The following ANKRD11 variants were observed in gnomAD, a reference collection of about 807,000 sequenced individuals.
ANKRD11 encodes ankyrin repeat domain-containing protein 11.
A neutral mutation model predicts 195.7 loss-of-function variants in ANKRD11; 17 were observed. The observed-to-expected ratio is 0.09, with a 90% CI of 0.06 to 0.13. ANKRD11 has a LOEUF of 0.13. Among genes scored for constraint, ANKRD11 ranks in the 10% least tolerant of loss-of-function variants. ANKRD11 has a pLI of 1.00. For synonymous variants in ANKRD11, 1,953 were observed against 1,528.1 expected (o/e 1.28, Z -6.49); for missense variants, 3,735 against 3,566.1 (o/e 1.05, Z -1.21).
intron 1 of ANKRD11, among the ~76,000 whole-genome samples, chr16:89,427,568 G>A (rs539156795): frequency 4.6e-5 from 7 of 152,224 alleles, no homozygotes; most frequent in South Asian, 2.1e-4. Flanking sequence ...AGGCCGAGGC[G>A]GGAGGATCAC....
intron 2 of ANKRD11, among the ~76,000 whole-genome samples, chr16:89,398,657 G>GT (rs1030693117): frequency 4.6e-5 from 7 of 152,154 alleles, no homozygotes; most frequent in Admixed American, 2.0e-4. Context: ...CAGGAGGAAG[G>GT]TTTGAGCCCG....
chr16:89,284,421 T>A lies in ANKRD11; in HGVS notation c.2121A>T (p.Glu707Asp), dbSNP rs2034501330. The A allele has an allele frequency of 6.2e-7, 1 of 1,613,350 alleles. No homozygotes were observed. Among genetic ancestry groups the A allele is most frequent in the Non-Finnish European group, 8.5e-7 (1 of 1,179,950 alleles). The change falls in exon 9 of 13, where the codon GAA becomes GAT. Residue 707 changes from glutamate (E) to aspartate (D), a missense_variant. Physicochemically the swap from Glu to Asp is conservative, Grantham distance 45. Transcript: ENST00000301030. ...TTTCATCTTTAAAGAGCCATTCTTT[T>A]TCTTCTAATTTCATTTTGCTAAGTT... The part of the protein sequence containing the change: ...EEKLSKMKLE[E>D]KEWLFKDEKS...
At chr16:89,435,964 G>C (rs913606406) in intron 1 of ANKRD11, among the ~76,000 whole-genome samples, 1 of 152,158 alleles carries the variant, frequency 6.6e-6, no homozygotes, top group African/African-American at 2.4e-5. Flanking sequence ...GTTGTGTCCT[G>C]GAGCTGTGCT....
intron 2 of ANKRD11, among the ~76,000 whole-genome samples, chr16:89,351,746 GGAACAAGGA>G (rs1170338346): frequency 6.6e-6 from 1 of 152,170 alleles, no homozygotes; most frequent in African/African-American, 2.4e-5. Context: ...GGCTGCAGGG[GGAACAAGGA>G]GTGACGATTA....
intron 2 of ANKRD11, among the ~76,000 whole-genome samples, chr16:89,348,030 C>T (rs1032341138): frequency 2.6e-5 from 4 of 151,940 alleles, no homozygotes; most frequent in Non-Finnish European, 4.4e-5. Flanking sequence ...ACCTCCTGGG[C>T]TCAATGGATC....
chr16:89,272,872 A>G (rs889787492), intron 11 of ANKRD11: 18 of 152,324 alleles, frequency 1.2e-4, no homozygotes, highest in Middle Eastern at 6.8e-3. Context: ...AACTGGGGTC[A>G]TGATGTTAAG....
chr16:89,333,443 T>C (rs1005212544), intron 2 of ANKRD11, among the ~76,000 whole-genome samples: 6 of 152,184 alleles, frequency 3.9e-5, no homozygotes, highest in Admixed American at 2.0e-4. Flanking sequence ...GAACGTATCC[T>C]GATGTGGACC....
Position 89,457,825 on chromosome 16 carries a change from G to A in ANKRD11, c.-145+32420C>T, listed in dbSNP as rs2056503987. On this transcript the variant is annotated intron_variant, in intron 1 of 12. Transcript: ENST00000301030. Reference sequence around the variant, plus strand: ...AAAATGGCTGCTTTTATTATATAAAGTATACAGGTATAAACATCACTGAAG... The same window carrying A: ...AAAATGGCTGCTTTTATTATATAAAATATACAGGTATAAACATCACTGAAG... Among the ~76,000 whole-genome samples the A allele has an allele frequency of 2.0e-5, 3 of 152,118 alleles. No homozygotes were observed. The South Asian group carries it at 6.2e-4, about 31-fold the overall frequency.
chr16:89,457,102 G>A (rs1332441120), intron 1 of ANKRD11, among the ~76,000 whole-genome samples: 1 of 149,128 alleles, frequency 6.7e-6, no homozygotes, highest in Admixed American at 6.6e-5. Flanking sequence ...TGGGACTACA[G>A]GCGCCCGCCA....
At chr16:89,401,800 G>A (rs1019559134) in intron 2 of ANKRD11, among the ~76,000 whole-genome samples, 1 of 152,160 alleles carries the variant, frequency 6.6e-6, no homozygotes, top group Non-Finnish European at 1.5e-5. Context: ...GAGAACGCTG[G>A]GTGAAGAGGG....
At position 89,285,183 on chromosome 16, in the gene ANKRD11, T is replaced by G; in HGVS notation, c.1359A>C (p.Lys453Asn). The G allele has an allele frequency of 6.2e-7, 1 of 1,613,594 alleles. No homozygotes were observed. The highest frequency in any genetic ancestry group is 8.5e-7 in the Non-Finnish European group (1 of 1,180,026). The change falls in exon 9 of 13, where the codon AAA (lysine) becomes AAC (asparagine). Residue 453 changes from lysine to asparagine, a missense_variant. By Grantham distance (94) the Lys-to-Asn change is moderately conservative. Coordinates refer to ENST00000301030, the MANE Select transcript of ANKRD11 (RefSeq NM_013275.6). The surrounding 1 kb of genome is among the most constrained non-coding windows in gnomAD (Gnocchi z 5.6). ...SNAKQQKEKN[K>N]VKKKRKKETK... ...TTTCTTTCTTTCGCTTCTTTTTCAC[T>G]TTATTTTTTTCCTTCTGCTGCTTGG...
At position 89,279,287 on chromosome 16, in the gene ANKRD11, C is replaced by T; in HGVS notation, c.7255G>A (p.Val2419Met). 1 of 1,611,592 alleles carries T rather than the reference C, an allele frequency of 6.2e-7. No individual in the cohort carries two copies. Among genetic ancestry groups the T allele is most frequent in the Non-Finnish European group, 8.5e-7 (1 of 1,179,644 alleles). The change falls in exon 9 of 13, where the codon GTG becomes ATG. Residue 2419 changes from valine to methionine, a missense_variant. By Grantham distance (21) the Val-to-Met change is conservative (BLOSUM62 1). Transcript: ENST00000301030. The surrounding 1 kb of genome is among the most constrained non-coding windows in gnomAD (Gnocchi z 5.6). ...EVIQQTLAAIVDAIKLDAIEP... is the reference protein window; with the variant it reads ...EVIQQTLAAIMDAIKLDAIEP... ...ATGGCATCCAGCTTGATGGCGTCCA[C>T]GATGGCGGCCAGCGTCTGCTGGATC... is the stretch of plus-strand genomic sequence containing the variant.
intron 3 of ANKRD11, chr16:89,313,275 C>A: frequency 7.8e-7 from 1 of 1,275,728 alleles, no homozygotes; most frequent in South Asian, 1.2e-5. Flanking sequence ...GACAGGGGAC[C>A]CATGGGGTGG....
chr16:89,363,802 C>T (rs576104179), intron 2 of ANKRD11, among the ~76,000 whole-genome samples: 1 of 152,186 alleles, frequency 6.6e-6, no homozygotes, highest in East Asian at 1.9e-4. Flanking sequence ...ATGCCTGGAG[C>T]ACAGCACTTC....
At chr16:89,477,650 C>A (rs1044382408) in intron 1 of ANKRD11, among the ~76,000 whole-genome samples, 2 of 150,078 alleles carry the variant, frequency 1.3e-5, no homozygotes, top group African/African-American at 4.9e-5. Flanking sequence ...AGCCACTGGG[C>A]CCGGCAGTAT....
At chr16:89,364,181 G>A (rs757468734) in intron 2 of ANKRD11, among the ~76,000 whole-genome samples, 7 of 152,176 alleles carry the variant, frequency 4.6e-5, no homozygotes, top group East Asian at 1.9e-4. Flanking sequence ...CTGGGCCCAC[G>A]AGGACCCTGC....
At chr16:89,433,942 C>T (rs954255377) in intron 1 of ANKRD11, among the ~76,000 whole-genome samples, 3 of 152,140 alleles carry the variant, frequency 2.0e-5, no homozygotes, top group African/African-American at 7.2e-5. Context: ...ATTGTTTAAC[C>T]ACACTATAAG....
intron 1 of ANKRD11, among the ~76,000 whole-genome samples, chr16:89,423,277 G>A (rs921879256): frequency 4.6e-5 from 7 of 152,224 alleles, no homozygotes; most frequent in African/African-American, 1.4e-4. Context: ...GGGTGGGAGG[G>A]TCCACAGGGG....
Position 89,282,300 on chromosome 16 carries a change from A to C in ANKRD11, c.4242T>G (p.Asp1414Glu). 6.2e-7 allele frequency: 1 copy of C among 1,614,044 alleles called. No individual in the cohort carries two copies. The highest frequency in any genetic ancestry group is 8.5e-7 in the Non-Finnish European group (1 of 1,180,012). The change falls in exon 9 of 13, where the codon GAT becomes GAG. Residue 1414 changes from aspartate (D) to glutamate (E), a missense_variant. Coordinates refer to ENST00000301030, the MANE Select transcript of ANKRD11 (RefSeq NM_013275.6). ...ACAATTCAATGGTTTTATCTAGCTC[A>C]TCTTCTATGTCAGCTTTCATGTTGT... ...VSYNMKADIE[D>E]ELDKTIELFS... is the part of the protein sequence containing the mutation.
Sources: gnomAD v4.1 joint callset for allele counts (sites outside exome capture counted in the v4.1 genomes callset) on GRCh38, gnomAD v4.1.1 for gene constraint, Gnocchi (gnomAD v3.1) non-coding constraint, MANE v1.5 for transcripts, NCBI Gene and HGNC (gene_info 2026-07-23, HGNC 2026-07-21) for gene names.